Variants in RASSF3 observed in about 807,000 individuals in gnomAD.
The protein encoded by RASSF3 is ras association domain-containing protein 3.
RASSF3 carries 19 observed loss-of-function variants against 19.9 expected under a neutral mutation model. The observed-to-expected ratio is 0.96, with a 90% confidence interval of 0.67 to 1.40. The LOEUF is 1.40. Among genes scored for constraint, RASSF3 ranks in the 40% most tolerant of loss-of-function variants. RASSF3 has a pLI of 0.00. For synonymous variants in RASSF3, 110 were observed against 104.2 expected (o/e 1.06, Z -0.34); for missense variants, 306 against 289.8 (o/e 1.06, Z -0.41).
intron 2 of RASSF3, among the ~76,000 whole-genome samples, chr12:64,559,175 A>C (rs1869303766): frequency 6.6e-6 from 1 of 151,924 alleles, no homozygotes; most frequent in Non-Finnish European, 1.5e-5. Context: ...TGCCCCTCTC[A>C]AGTCCTGAAG....
intron 1 of RASSF3, among the ~76,000 whole-genome samples, chr12:64,667,784 T>C (rs778973925): frequency 2.6e-5 from 4 of 152,216 alleles, no homozygotes; most frequent in Non-Finnish European, 4.4e-5. Flanking sequence ...GTGGCCTTCC[T>C]GAGGCTCATC....
At chr12:64,674,392 A>G (rs1404148105) in intron 1 of RASSF3, among the ~76,000 whole-genome samples, 1 of 152,194 alleles carries the variant, frequency 6.6e-6, no homozygotes, top group Non-Finnish European at 1.5e-5. Flanking sequence ...ACACTAAGGT[A>G]GTTCCAGCAC....
intron 1 of RASSF3, among the ~76,000 whole-genome samples, chr12:64,618,927 A>AT (rs1870646197): frequency 6.6e-6 from 1 of 152,128 alleles, no homozygotes; most frequent in African/African-American, 2.4e-5. Flanking sequence ...AAGTATAATA[A>AT]TAAAAAAAAA....
At chr12:64,655,789 G>T (rs1872135933) in intron 1 of RASSF3, among the ~76,000 whole-genome samples, 1 of 152,044 alleles carries the variant, frequency 6.6e-6, no homozygotes, top group Non-Finnish European at 1.5e-5. Flanking sequence ...CACTTTGGGA[G>T]GCCGAGGCGG....
At chr12:64,667,436 C>G (rs546643845) in intron 1 of RASSF3, among the ~76,000 whole-genome samples, 2 of 152,208 alleles carry the variant, frequency 1.3e-5, no homozygotes, top group Non-Finnish European at 2.9e-5. Flanking sequence ...AAGCGATTCT[C>G]CCGCCTCAGC....
intron 2 of RASSF3, among the ~76,000 whole-genome samples, chr12:64,570,765 G>A (rs1869504574): frequency 6.6e-6 from 1 of 152,136 alleles, no homozygotes; most frequent in African/African-American, 2.4e-5. Context: ...GTCAGTTGCA[G>A]CATTTCTCAC....
chr12:64,659,980 G>GTGTGTA (rs1555214859), intron 1 of RASSF3, among the ~76,000 whole-genome samples: 7 of 148,032 alleles, frequency 4.7e-5, no homozygotes, highest in Admixed American at 2.7e-4. Flanking sequence ...GTGTGTGTGT[G>GTGTGTA]TGTATGTATG....
intron 1 of RASSF3, among the ~76,000 whole-genome samples, chr12:64,678,648 C>CAAAAAAAAAAAAAA (rs767180678): frequency 4.4e-5 from 4 of 90,896 alleles, no homozygotes; most frequent in Non-Finnish European, 4.2e-5. Flanking sequence ...TCCGTAATAC[C>CAAAAAAAAAAAAAA]AAAAAAAAAA....
At chr12:64,585,576 G>C (rs1464839637) in intron 2 of RASSF3, among the ~76,000 whole-genome samples, 1 of 145,858 alleles carries the variant, frequency 6.9e-6, no homozygotes, top group Admixed American at 6.9e-5. Flanking sequence ...CATCTACACT[G>C]TTACTGCATT....
chr12:64,584,879 CTTTT>C (rs34522445), intron 2 of RASSF3, among the ~76,000 whole-genome samples: 1,210 of 80,818 alleles, frequency 0.015, 13 homozygotes, highest in African/African-American at 0.056. Context: ...CAGAAGGATT[CTTTT>C]TTTTTTTTTT....
chr12:64,684,013 A>AGTGTGTGTGTGTGTGTGTGTGTGTGT (rs10598381), intron 1 of RASSF3, among the ~76,000 whole-genome samples: 1 of 138,400 alleles, frequency 7.2e-6, no homozygotes, highest in African/African-American at 2.7e-5. Context: ...AGAGAGAGTG[A>AGTGTGTGTGTGTGTGTGTGTGTGTGT]GTGTGTGTGT....
chr12:64,604,235 C>T (rs1004427020), intron 2 of RASSF3, among the ~76,000 whole-genome samples: 3 of 151,930 alleles, frequency 2.0e-5, no homozygotes, highest in Non-Finnish European at 4.4e-5. Context: ...AAGCAATCCT[C>T]CCACCTCAGC....
intron 1 of RASSF3, among the ~76,000 whole-genome samples, chr12:64,646,593 T>A (rs1797698): frequency 1.3e-5 from 2 of 152,240 alleles, no homozygotes; most frequent in African/African-American, 4.8e-5. Context: ...CCTACCCATC[T>A]ACTGTAAGTT....
chr12:64,536,925 G>A (rs1036335928), intron 1 of RASSF3, among the ~76,000 whole-genome samples: 17 of 152,310 alleles, frequency 1.1e-4, no homozygotes, highest in South Asian at 6.2e-4. Context: ...AATGGCCTAC[G>A]CCTAAAACCC....
At chr12:64,628,148 T>C (rs1021722749) in intron 1 of RASSF3, among the ~76,000 whole-genome samples, 1 of 152,224 alleles carries the variant, frequency 6.6e-6, no homozygotes, top group Non-Finnish European at 1.5e-5. Context: ...ACCTGGGTGA[T>C]ATCTTTGATT....
intron 1 of RASSF3, among the ~76,000 whole-genome samples, chr12:64,642,412 T>TA (rs1871567973): frequency 6.6e-6 from 1 of 151,430 alleles, no homozygotes; most frequent in East Asian, 2.0e-4. Context: ...ATACAAAAAT[T>TA]AGCTGGGCAT....
intron 2 of RASSF3, among the ~76,000 whole-genome samples, chr12:64,553,118 G>C (rs1417851709): frequency 2.0e-5 from 3 of 152,148 alleles, no homozygotes; most frequent in African/African-American, 7.2e-5. Flanking sequence ...TTTTCTGTCT[G>C]CCCTCATCCT....
intron 1 of RASSF3, among the ~76,000 whole-genome samples, chr12:64,511,590 C>T (rs1339763849): frequency 6.6e-6 from 1 of 152,188 alleles, no homozygotes; most frequent in Non-Finnish European, 1.5e-5. Context: ...TTCTGTGTAA[C>T]CTGCTCCAGG....
chr12:64,648,827 A>C (rs1871835271), intron 1 of RASSF3, among the ~76,000 whole-genome samples: 1 of 28,498 alleles, frequency 3.5e-5, no homozygotes, highest in Non-Finnish European at 9.0e-5. Context: ...TTTTTTAGAG[A>C]TAGGGGCTCG....
Sources: allele counts gnomAD v4.1 joint callset (sites outside exome capture counted in the v4.1 genomes callset), GRCh38; gene constraint gnomAD v4.1.1; transcripts MANE v1.5; gene names NCBI Gene and HGNC (gene_info 2026-07-23, HGNC 2026-07-21).